Variants in DNASE1 observed in about 807,000 individuals in gnomAD.
The protein encoded by DNASE1 is deoxyribonuclease-1.
Under a neutral mutation model 33.9 loss-of-function variants are expected in DNASE1, and 40 were observed. The ratio of observed to expected loss-of-function variants is 1.18; its 90% confidence interval spans 0.92 to 1.54. The LOEUF (loss-of-function observed/expected upper bound fraction) is 1.54, where lower values mean the gene tolerates loss of function less well. Among genes scored for constraint, DNASE1 ranks in the 40% most tolerant of loss-of-function variants. The probability of loss-of-function intolerance (pLI) is 0.00; values close to 1 mark genes in which losing one functional copy is unlikely to be tolerated. For synonymous variants in DNASE1, 216 were observed against 160.0 expected, an observed-to-expected ratio of 1.35 and a Z score of -2.64; for missense variants, 518 against 372.6, an observed-to-expected ratio of 1.39 and a Z score of -3.21.
In DNASE1 at chr16:3,634,761, C is replaced by G. The variant is rs114725058; in HGVS notation, c.-1358-5954C>G. On this transcript the variant is annotated intron_variant and NMD_transcript_variant, in intron 1 of 11. Transcript: ENST00000570769. Reference sequence around the variant, plus strand: ...AACTCCTGGTCTTAAGAAGTCCTCCCGCCTCAGCCTCCCAAAGTGTTGGGA... The same window carrying G: ...AACTCCTGGTCTTAAGAAGTCCTCCGGCCTCAGCCTCCCAAAGTGTTGGGA... Among the ~76,000 whole-genome samples the G allele has an allele frequency of 3.6e-3, 541 of 151,870 alleles. 3 individuals are homozygous for G. The highest frequency in any genetic ancestry group is 0.012 in the African/African-American group (513 of 41,408).
At chr16:3,658,316 C>A, downstream of DNASE1, 2 of 1,132,414 alleles carry the variant, frequency 1.8e-6, no homozygotes, top group South Asian at 1.4e-5. Context: ...TCACTGTTGC[C>A]GAGGCTGGAG....
At chr16:3,621,336 C>A (rs1370681489) in intron 1 of DNASE1, among the ~76,000 whole-genome samples, 4 of 152,190 alleles carry the variant, frequency 2.6e-5, no homozygotes, top group Admixed American at 2.6e-4. Context: ...ATCCTCCTGC[C>A]TCCAAAAGTG....
At chr16:3,623,978 C>T (rs2041415045) in intron 1 of DNASE1, among the ~76,000 whole-genome samples, 1 of 151,938 alleles carries the variant, frequency 6.6e-6, no homozygotes, top group Non-Finnish European at 1.5e-5. Flanking sequence ...ATTACTATAA[C>T]CTCTATATAG....
chr16:3,650,474 C>G (rs149228834), upstream of DNASE1, among the ~76,000 whole-genome samples: 16 of 151,994 alleles, frequency 1.1e-4, no homozygotes, highest in Admixed American at 6.5e-4. Context: ...TGAACATTGT[C>G]CTGTTTATTG....
At chr16:3,657,698 T>C in intron 7 of DNASE1, 22 bp from the exon 8 acceptor site, 1 of 1,613,480 alleles carries the variant, frequency 6.2e-7, no homozygotes, top group Non-Finnish European at 8.5e-7. Context: ...GGAACCTACT[T>C]TCTCTTCCCA....
chr16:3,662,282 AC>A, downstream of DNASE1: 1 of 927,772 alleles, frequency 1.1e-6, no homozygotes, highest in Non-Finnish European at 1.6e-6. Context: ...CCTCCCCATT[AC>A]CCACTAACTT....
downstream of DNASE1, chr16:3,662,870 G>A: frequency 1.2e-6 from 2 of 1,613,330 alleles, no homozygotes; most frequent in Non-Finnish European, 1.7e-6. Flanking sequence ...TCCATCCCCG[G>A]GAAAGCCTCA....
upstream of DNASE1, chr16:3,651,640 C>T (rs1216645794): frequency 6.6e-6 from 1 of 152,304 alleles, no homozygotes; most frequent in Non-Finnish European, 1.5e-5. Flanking sequence ...GGCACGTGTT[C>T]TGCTTGTGCC....
At chr16:3,638,944 A>G (rs1327800939), upstream of DNASE1, among the ~76,000 whole-genome samples, 1 of 152,066 alleles carries the variant, frequency 6.6e-6, no homozygotes, top group African/African-American at 2.4e-5. Context: ...TGGAAGTTCC[A>G]TTTGGATCTT....
At chr16:3,633,233 C>G (rs1019244364) in intron 1 of DNASE1, among the ~76,000 whole-genome samples, 1 of 152,038 alleles carries the variant, frequency 6.6e-6, no homozygotes, top group Non-Finnish European at 1.5e-5. Flanking sequence ...TTTCTGCTTT[C>G]TCTGGCTTTA....
chr16:3,655,419 C>G lies in DNASE1; in HGVS notation c.46C>G (p.Leu16Val). ...LLGALLALAA[L>V]LQGAVSLKIA... The stretch of plus-strand genomic sequence containing the variant: ...GGGGGCGCTGCTGGCACTGGCGGCC[C>G]TACTGCAGGGGGCCGTGTCCCTGAA... The change falls in exon 2 of 9, where the codon CTA (leucine) becomes GTA (valine). Residue 16 changes from leucine (L) to valine (V), a missense_variant. Leu to Val is a conservative substitution (Grantham distance 32). Coordinates refer to ENST00000246949, the MANE Select transcript of DNASE1 (RefSeq NM_005223.4). The G allele has an allele frequency of 1.2e-6, 2 of 1,614,066 alleles. No individual in the cohort carries two copies. The highest frequency in any genetic ancestry group is 1.7e-6 in the Non-Finnish European group (2 of 1,180,016).
At chr16:3,648,088 A>G (rs1405577668) in intron 1 of DNASE1, among the ~76,000 whole-genome samples, 1 of 152,134 alleles carries the variant, frequency 6.6e-6, no homozygotes, top group African/African-American at 2.4e-5. Flanking sequence ...GAATTGCTCA[A>G]ACTTGGGAGG....
At chr16:3,650,399 A>G (rs576656775), upstream of DNASE1, among the ~76,000 whole-genome samples, 3 of 152,182 alleles carry the variant, frequency 2.0e-5, no homozygotes, top group South Asian at 2.1e-4. Flanking sequence ...AGGGAAAAAA[A>G]GCTGAGACAT....
chr16:3,627,079 T>A (rs76668340), intron 1 of DNASE1, among the ~76,000 whole-genome samples: 9,401 of 151,656 alleles, frequency 0.062, 312 homozygotes, highest in Admixed American at 0.076. Context: ...TCTCCCTATG[T>A]TGCCCATGCT....
At chr16:3,629,584 G>A (rs1470421987) in intron 1 of DNASE1, among the ~76,000 whole-genome samples, 1 of 152,090 alleles carries the variant, frequency 6.6e-6, no homozygotes, top group African/African-American at 2.4e-5. Flanking sequence ...GGTAATACTG[G>A]CCTGTTAGAA....
intron 1 of DNASE1, among the ~76,000 whole-genome samples, chr16:3,620,181 G>T (rs758217557): frequency 1.8e-4 from 28 of 152,088 alleles, no homozygotes; most frequent in Non-Finnish European, 3.2e-4. Flanking sequence ...TTCCCAAAGC[G>T]CTGGGATTAC....
chr16:3,657,909 C>A lies in DNASE1; in HGVS notation c.805C>A (p.Gln269Lys), dbSNP rs764966194. 1 of 1,614,002 alleles carries A rather than the reference C, an allele frequency of 6.2e-7. No homozygotes were observed. Among genetic ancestry groups the A allele is most frequent in the African/African-American group, 1.3e-5 (1 of 75,020 alleles). The change falls in exon 9 of 9, where the codon CAA becomes AAA. Residue 269 changes from glutamine (Q) to lysine (K), a missense_variant. By Grantham distance (53) the Gln-to-Lys change is moderately conservative. Transcript: ENST00000246949. Reference protein sequence around the residue: ...AAYGLSDQLAQAISDHYPVEV... With the variant: ...AAYGLSDQLAKAISDHYPVEV... Reference sequence around the variant, plus strand: ...CCCTGTGCCCACTTGCCTGCAGGCCCAAGCCATCAGTGACCACTATCCAGT... The same window carrying A: ...CCCTGTGCCCACTTGCCTGCAGGCCAAAGCCATCAGTGACCACTATCCAGT...
intron 1 of DNASE1, among the ~76,000 whole-genome samples, chr16:3,633,227 T>G (rs2041755006): frequency 6.6e-6 from 1 of 152,236 alleles, no homozygotes; most frequent in South Asian, 2.1e-4. Context: ...ACTCTTTTTC[T>G]GCTTTCTCTG....
chr16:3,656,023 TG>T (rs1293991852), intron 3 of DNASE1, 78 bp from the exon 4 acceptor site: 9 of 1,609,956 alleles, frequency 5.6e-6, no homozygotes, highest in Non-Finnish European at 7.6e-6. Context: ...GGTGGGGACC[TG>T]GGCACAGCCT....
Sources: gnomAD v4.1 joint callset for allele counts (sites outside exome capture counted in the v4.1 genomes callset) on GRCh38, gnomAD v4.1.1 for gene constraint, MANE v1.5 for transcripts, NCBI Gene and HGNC (gene_info 2026-07-23, HGNC 2026-07-21) for gene names.